ERI3: variants seen among roughly 807,000 people sequenced by gnomAD.
ERI3 encodes ERI1 exoribonuclease 3.
In ERI3, 18 loss-of-function variants were observed where a neutral mutation model predicts 44.4. The ratio of observed to expected loss-of-function variants is 0.41; its 90% CI spans 0.28 to 0.60. ERI3 has a LOEUF of 0.60. Ranked by LOEUF, ERI3 falls within the 20% of genes least tolerant of loss-of-function variation. The pLI is 0.36. For synonymous variants in ERI3, 183 were observed against 164.8 expected (o/e 1.11, Z -0.84); for missense variants, 294 against 435.5 (o/e 0.68, Z 2.89).
intron 5 of ERI3, among the ~76,000 whole-genome samples, chr1:44,311,602 G>A (rs1645974430): frequency 6.6e-6 from 1 of 152,132 alleles, no homozygotes; most frequent in African/African-American, 2.4e-5. Flanking sequence ...AGGGTTAACA[G>A]GGGGTTGCCT....
chr1:44,322,923 AG>A (rs1646233478), intron 3 of ERI3: 7 of 1,476,968 alleles, frequency 4.7e-6, no homozygotes, highest in Non-Finnish European at 6.3e-6. Flanking sequence ...ACTACAGGTT[AG>A]TGGCATTAAT....
intron 3 of ERI3, among the ~76,000 whole-genome samples, chr1:44,328,134 G>C (rs1488013931): frequency 2.6e-5 from 4 of 152,206 alleles, no homozygotes; most frequent in Non-Finnish European, 5.9e-5. Flanking sequence ...ATGGCCAGCA[G>C]CCAGGAAGGT....
chr1:44,321,934 AT>A (rs959796136), intron 3 of ERI3, among the ~76,000 whole-genome samples: 1 of 152,124 alleles, frequency 6.6e-6, no homozygotes, highest in African/African-American at 2.4e-5. Flanking sequence ...ATTAAATTCA[AT>A]TTTCTTAAGC....
At chr1:44,347,347 C>T (rs1158151306) in intron 2 of ERI3, among the ~76,000 whole-genome samples, 1 of 152,146 alleles carries the variant, frequency 6.6e-6, no homozygotes, top group Non-Finnish European at 1.5e-5. Flanking sequence ...ACAAGGAACT[C>T]GAAGTCTCTT....
At chr1:44,268,774 G>T (rs531229048) in intron 7 of ERI3, among the ~76,000 whole-genome samples, 7 of 152,278 alleles carry the variant, frequency 4.6e-5, no homozygotes, top group African/African-American at 1.7e-4. Context: ...ACAAATAGAG[G>T]ATAAAAGACC....
intron 7 of ERI3, among the ~76,000 whole-genome samples, chr1:44,281,588 G>GAAA (rs769332763): frequency 0.018 from 1,899 of 103,740 alleles, 78 homozygotes; most frequent in African/African-American, 0.057. Flanking sequence ...ACCCCGTCTC[G>GAAA]AAAAAAAAAA....
intron 6 of ERI3, among the ~76,000 whole-genome samples, chr1:44,301,579 T>C (rs1362615338): frequency 1.3e-5 from 2 of 152,108 alleles, no homozygotes; most frequent in African/African-American, 4.8e-5. Context: ...CATCCCACAC[T>C]AGGGAAAAGG....
intron 3 of ERI3, among the ~76,000 whole-genome samples, chr1:44,338,373 G>T (rs143398762): frequency 6.6e-6 from 1 of 152,184 alleles, no homozygotes; most frequent in African/African-American, 2.4e-5. Flanking sequence ...AGGCCTGACC[G>T]GGGCTGGTAG....
intron 7 of ERI3, among the ~76,000 whole-genome samples, chr1:44,248,274 G>A (rs1644596939): frequency 6.6e-6 from 1 of 151,960 alleles, no homozygotes; most frequent in Non-Finnish European, 1.5e-5. Flanking sequence ...GCCCTCAATG[G>A]GTGCCCCTCA....
At chr1:44,274,129 C>T (rs1645137047) in intron 7 of ERI3, among the ~76,000 whole-genome samples, 2 of 152,124 alleles carry the variant, frequency 1.3e-5, no homozygotes, top group African/African-American at 4.8e-5. Context: ...ATTTCTGTCC[C>T]ACAGATTATA....
intron 1 of ERI3, chr1:44,354,041 C>T: frequency 7.1e-6 from 7 of 985,412 alleles, no homozygotes; most frequent in Non-Finnish European, 8.4e-6. Flanking sequence ...CAAGAACCCA[C>T]TAAAACAAGG....
At chr1:44,326,651 A>G (rs1280800119) in intron 3 of ERI3, among the ~76,000 whole-genome samples, 1 of 152,184 alleles carries the variant, frequency 6.6e-6, no homozygotes, top group Non-Finnish European at 1.5e-5. Flanking sequence ...CATCTTTGGC[A>G]TTTGGCTGTT....
intron 6 of ERI3, among the ~76,000 whole-genome samples, chr1:44,288,675 A>C (rs1250109065): frequency 1.3e-5 from 2 of 152,208 alleles, no homozygotes; most frequent in East Asian, 3.8e-4. Context: ...GCACAGGCAT[A>C]AGCTGTATAG....
At position 44,224,126 on chromosome 1, in the gene ERI3, A is replaced by AT. The variant is rs573063437; in HGVS notation, c.932-2487dup. ...TCTAATCAAGTATGAACTTACGCAG[A>AT]TTTTCTCTTCTTCTCTGCCTAATCA... is the stretch of plus-strand genomic sequence containing the variant. On this transcript the variant is annotated intron_variant, in intron 8 of 8. Coordinates refer to ENST00000372257, the MANE Select transcript of ERI3 (RefSeq NM_024066.3). Among the ~76,000 whole-genome samples, 86 of 152,154 alleles carry AT rather than the reference A, an allele frequency of 5.7e-4. No individual in the cohort carries two copies. The Middle Eastern group carries it at 0.01, about 18-fold the overall frequency.
intron 6 of ERI3, among the ~76,000 whole-genome samples, chr1:44,289,901 G>A (rs548065616): frequency 1.3e-5 from 2 of 152,348 alleles, no homozygotes; most frequent in Admixed American, 6.5e-5. Flanking sequence ...GAGGTCTGCC[G>A]GACAGACTGG....
chr1:44,333,935 GA>G (rs912463323), intron 3 of ERI3, among the ~76,000 whole-genome samples: 2 of 152,026 alleles, frequency 1.3e-5, no homozygotes, highest in African/African-American at 4.8e-5. Context: ...CCGTAAAAAG[GA>G]AAAAAATGCT....
chr1:44,310,963 G>GCGCGCGCGCGCGCACACA (rs1373873768), intron 5 of ERI3, among the ~76,000 whole-genome samples: 6 of 123,260 alleles, frequency 4.9e-5, no homozygotes, highest in Non-Finnish European at 5.1e-5. Flanking sequence ...GCGCGCGCGC[G>GCGCGCGCGCGCGCACACA]CACACACACA....
intron 8 of ERI3, among the ~76,000 whole-genome samples, chr1:44,244,800 G>A (rs931078751): frequency 6.6e-5 from 10 of 151,888 alleles, no homozygotes; most frequent in Middle Eastern, 3.2e-3. Flanking sequence ...CCTACAGCCT[G>A]AGCCCCTTCC....
chr1:44,267,754 T>C (rs1441984066), intron 7 of ERI3, among the ~76,000 whole-genome samples: 1 of 152,222 alleles, frequency 6.6e-6, no homozygotes, highest in African/African-American at 2.4e-5. Flanking sequence ...GACAGGCCAC[T>C]GACAGCTGCC....
Sources: gnomAD v4.1 joint callset for allele counts (sites outside exome capture counted in the v4.1 genomes callset) on GRCh38, gnomAD v4.1.1 for gene constraint, MANE v1.5 for transcripts, NCBI Gene and HGNC (gene_info 2026-07-23, HGNC 2026-07-21) for gene names.